SPRY3: variants seen among roughly 807,000 people sequenced by gnomAD.
SPRY3 encodes sprouty RTK signaling antagonist 3, also known as protein sprouty homolog 3.
A neutral mutation model predicts 20.2 loss-of-function variants in SPRY3; 15 were observed. The observed-to-expected ratio is 0.74, with a 90% CI of 0.50 to 1.14. The LOEUF is 1.14. Among genes scored for constraint, SPRY3 ranks in the 50% most tolerant of loss-of-function variants. SPRY3 has a pLI of 0.00. For synonymous variants in SPRY3, 143 were observed against 136.5 expected, an observed-to-expected ratio of 1.05 and a Z score of -0.33; for missense variants, 364 against 363.9, an observed-to-expected ratio of 1.00 and a Z score of 0.00.
chrX:155,699,396 G>A (rs1004124958), intron 2 of SPRY3, among the ~76,000 whole-genome samples: 6 of 112,059 alleles, frequency 5.4e-5, no homozygotes, highest in Middle Eastern at 4.7e-3. Context: ...GCAAGACAGC[G>A]TGAAACCCCT....
intron 3 of SPRY3, among the ~76,000 whole-genome samples, chrX:155,768,576 G>C (rs973404443): frequency 6.6e-6 from 1 of 152,190 alleles, no homozygotes; most frequent in African/African-American, 2.4e-5. Context: ...TGGCTCACAA[G>C]TCTGGGCTGT....
chrX:155,725,396 C>T (rs759373726), intron 2 of SPRY3, among the ~76,000 whole-genome samples: 37 of 152,250 alleles, frequency 2.4e-4, no homozygotes, highest in African/African-American at 8.2e-4. Context: ...AGGAATGGTA[C>T]CAGCTCCTCT....
intron 1 of SPRY3, among the ~76,000 whole-genome samples, chrX:155,637,713 T>C (rs1373286489): frequency 8.9e-6 from 1 of 111,852 alleles, no homozygotes; most frequent in African/African-American, 3.3e-5. Context: ...CTTCCCTTTG[T>C]TCCCCCCTAG....
chrX:155,735,673 AC>A (rs2091163647), intron 2 of SPRY3, among the ~76,000 whole-genome samples: 1 of 151,786 alleles, frequency 6.6e-6, no homozygotes, highest in Non-Finnish European at 1.5e-5. Context: ...TATTTCTCTA[AC>A]CCTTTACTTT....
chrX:155,753,212 C>A (rs1427230586), intron 2 of SPRY3, among the ~76,000 whole-genome samples: 1 of 151,904 alleles, frequency 6.6e-6, no homozygotes, highest in Non-Finnish European at 1.5e-5. Context: ...ATGTTTTCAT[C>A]AACCCAAAAA....
At chrX:155,740,563 G>A (rs1193148216) in intron 2 of SPRY3, among the ~76,000 whole-genome samples, 3 of 152,016 alleles carry the variant, frequency 2.0e-5, no homozygotes, top group Non-Finnish European at 4.4e-5. Context: ...AATACGCCCT[G>A]GTCTCCTGCA....
intron 2 of SPRY3, among the ~76,000 whole-genome samples, chrX:155,750,558 G>C (rs1244353039): frequency 4.0e-5 from 6 of 151,898 alleles, no homozygotes. Context: ...AAGAAGGAGA[G>C]AATAATCAAC....
intron 1 of SPRY3, among the ~76,000 whole-genome samples, chrX:155,633,175 A>T (rs1198533923): frequency 9.1e-6 from 1 of 110,297 alleles, no homozygotes; most frequent in Admixed American, 9.6e-5. Flanking sequence ...TCTAGGTTTG[A>T]TAGAAACTTG....
intron 1 of SPRY3, among the ~76,000 whole-genome samples, chrX:155,651,809 G>A (rs1420390180): frequency 2.7e-5 from 3 of 111,887 alleles, no homozygotes; most frequent in Non-Finnish European, 5.6e-5. Context: ...GTAAAATGGG[G>A]TATCCATTCC....
intron 2 of SPRY3, among the ~76,000 whole-genome samples, chrX:155,674,891 T>C (rs1202065425): frequency 1.8e-5 from 2 of 111,752 alleles, no homozygotes; most frequent in African/African-American, 6.5e-5. Flanking sequence ...CTTTCTATGT[T>C]TGATACCTTT....
chrX:155,710,233 A>G (rs1164375252), intron 2 of SPRY3, among the ~76,000 whole-genome samples: 1 of 151,740 alleles, frequency 6.6e-6, no homozygotes, highest in African/African-American at 2.4e-5. Flanking sequence ...ATTGCATTGA[A>G]TCTGTAGATT....
intron 1 of SPRY3, among the ~76,000 whole-genome samples, chrX:155,655,509 C>T (rs868940331): frequency 9.0e-6 from 1 of 111,266 alleles, no homozygotes; most frequent in South Asian, 3.8e-4. Context: ...TAAGTATTTA[C>T]TCCGTTTTGA....
downstream of SPRY3, chrX:155,781,170 A>G (rs905124812): frequency 6.0e-6 from 1 of 166,892 alleles, no homozygotes; most frequent in African/African-American, 2.4e-5. Flanking sequence ...TCAAAGTTAG[A>G]ATATGCCACT....
chrX:155,767,534 G>A (rs146260830), intron 2 of SPRY3, among the ~76,000 whole-genome samples: 33 of 151,432 alleles, frequency 2.2e-4, no homozygotes, highest in Non-Finnish European at 1.3e-4. Flanking sequence ...GACCAAGGTG[G>A]AGGCGGAGGC....
intron 2 of SPRY3, among the ~76,000 whole-genome samples, chrX:155,673,462 C>T (rs1557355005): frequency 9.0e-6 from 1 of 111,307 alleles, no homozygotes; most frequent in Non-Finnish European, 1.9e-5. Context: ...CTGATGTTCT[C>T]AAAAGGGGAC....
At chrX:155,727,492 T>G (rs2091106267) in intron 2 of SPRY3, among the ~76,000 whole-genome samples, 1 of 152,130 alleles carries the variant, frequency 6.6e-6, no homozygotes, top group Non-Finnish European at 1.5e-5. Context: ...CTTGGAGGCT[T>G]TGTTCATTTC....
chrX:155,707,474 A>G (rs2090959771), intron 2 of SPRY3, among the ~76,000 whole-genome samples: 1 of 151,220 alleles, frequency 6.6e-6, no homozygotes, highest in African/African-American at 2.4e-5. Context: ...AAAATGTTCT[A>G]AAATGTCAGG....
intron 2 of SPRY3, among the ~76,000 whole-genome samples, chrX:155,741,757 C>A (rs2091205468): frequency 6.6e-6 from 1 of 151,950 alleles, no homozygotes; most frequent in African/African-American, 2.4e-5. Context: ...GCTTCATAAG[C>A]AAAAGAGAAA....
exon 4 of SPRY3, chrX:155,775,987 C>T (rs1355540468): frequency 1.2e-5 from 2 of 167,094 alleles, no homozygotes; most frequent in African/African-American, 4.8e-5. Flanking sequence ...CCCCCAAGGC[C>T]GCACACTGAG....
Sources: gnomAD v4.1 joint callset for allele counts (sites outside exome capture counted in the v4.1 genomes callset) on GRCh38, gnomAD v4.1.1 for gene constraint, MANE v1.5 for transcripts, NCBI Gene and HGNC (gene_info 2026-07-23, HGNC 2026-07-21) for gene names.